Variants in NFIA observed in about 807,000 individuals in gnomAD.
NFIA encodes the protein nuclear factor I A, also known as nuclear factor 1 A-type.
In NFIA, 8 loss-of-function variants were observed where a neutral mutation model predicts 62.8. The observed-to-expected ratio is 0.13, with a 90% CI of 0.07 to 0.23. The LOEUF is 0.23. NFIA is among the 10% of genes least tolerant of loss of function. NFIA has a pLI of 1.00. For missense variants in NFIA, 410 were observed against 642.1 expected (o/e 0.64, Z 3.91); for synonymous variants, 235 against 238.1 (o/e 0.99, Z 0.12).
intron 2 of NFIA, among the ~76,000 whole-genome samples, chr1:61,164,912 A>G (rs183671747): frequency 1.3e-5 from 2 of 152,304 alleles, no homozygotes; most frequent in Non-Finnish European, 2.9e-5. Flanking sequence ...GGCCTGCAGT[A>G]TTTATCAAAA....
chr1:61,121,942 ACCTTC>A (rs1646893947), intron 2 of NFIA, among the ~76,000 whole-genome samples: 1 of 152,168 alleles, frequency 6.6e-6, no homozygotes, highest in Admixed American at 6.5e-5. Context: ...GGCTGGAGCT[ACCTTC>A]CCTGACAAGA....
intron 7 of NFIA, among the ~76,000 whole-genome samples, chr1:61,396,267 A>T (rs776058824): frequency 1.1e-4 from 17 of 152,138 alleles, no homozygotes; most frequent in Non-Finnish European, 2.4e-4. Context: ...TTTTTTAGAT[A>T]TAGGGTCTTG....
At chr1:61,242,631 A>T (rs548161195) in intron 2 of NFIA, among the ~76,000 whole-genome samples, 3 of 152,328 alleles carry the variant, frequency 2.0e-5, no homozygotes, top group African/African-American at 7.2e-5. Flanking sequence ...AGATAAATTA[A>T]CTTCTCCAGG....
intron 2 of NFIA, among the ~76,000 whole-genome samples, chr1:61,169,562 C>T (rs771446014): frequency 2.0e-5 from 3 of 152,216 alleles, no homozygotes; most frequent in Non-Finnish European, 4.4e-5. Flanking sequence ...TTTGGCTGGA[C>T]TCAGTACTCT....
chr1:61,344,583 G>A (rs1420738883), intron 4 of NFIA, among the ~76,000 whole-genome samples: 1 of 152,248 alleles, frequency 6.6e-6, no homozygotes, highest in Non-Finnish European at 1.5e-5. Context: ...TCTCTGAAAT[G>A]TAAGCCCCAC....
At chr1:61,202,211 T>A (rs1334383942) in intron 2 of NFIA, among the ~76,000 whole-genome samples, 1 of 152,200 alleles carries the variant, frequency 6.6e-6, no homozygotes, top group Non-Finnish European at 1.5e-5. Context: ...ATTATGGTCA[T>A]AAACTTGATT....
In NFIA at chr1:61,323,807, A is replaced by T. The variant is rs547789491; in HGVS notation, c.626-8705A>T. 1.2e-4 allele frequency among the ~76,000 whole-genome samples: 18 copies of T among 152,346 alleles called. No individual in the cohort carries two copies. In the East Asian group the frequency reaches 3.5e-3, roughly 29 times the overall value. On this transcript the variant is annotated intron_variant, in intron 3 of 10. Transcript: ENST00000403491. ...CAAATAACAGTATCATAAGTCACTC[A>T]TCTGAATCACTAAATAAATATTTAT...
chr1:61,318,616 T>G lies in NFIA; in HGVS notation c.626-13896T>G, dbSNP rs559912617. On this transcript the variant is annotated intron_variant, in intron 3 of 10. Transcript: ENST00000403491. ...ATAGTTGCTCTGGGAATTGAATTCC[T>G]TAATGCTTTGTTTATAGAATTTTGA... 4.6e-5 allele frequency among the ~76,000 whole-genome samples: 7 copies of G among 152,328 alleles called. No homozygotes were observed. The East Asian group carries it at 1.3e-3, about 29-fold the overall frequency.
intron 6 of NFIA, among the ~76,000 whole-genome samples, chr1:61,378,755 T>C (rs1664268846): frequency 2.0e-5 from 3 of 152,194 alleles, no homozygotes; most frequent in Non-Finnish European, 1.5e-5. Context: ...TTGCTGACTC[T>C]CGTGATTGTT....
intron 10 of NFIA, among the ~76,000 whole-genome samples, chr1:61,437,676 G>T (rs944114663): frequency 6.6e-6 from 1 of 152,174 alleles, no homozygotes; most frequent in African/African-American, 2.4e-5. Context: ...CCATACAGAA[G>T]AGTCAGTAAC....
Position 61,284,253 on chromosome 1 carries a change from TGAATTTTCAGCAATGCAATGGAGCTA to T in NFIA, c.625+6670_625+6695del, listed in dbSNP as rs1334383023. Among the ~76,000 whole-genome samples the T allele has an allele frequency of 6.6e-5, 10 of 152,356 alleles. No individual in the cohort carries two copies. The East Asian group carries it at 1.9e-3, about 29-fold the overall frequency. The stretch of plus-strand genomic sequence containing the variant: ...ATCTGTATAATTAAATTCTGACTGA[TGAATTTTCAGCAATGCAATGGAGCTA>T]GTCTCTCTTCTTTAAGAGATTAGGG... On this transcript the variant is annotated intron_variant, in intron 3 of 10. Transcript: ENST00000403491.
chr1:61,101,564 A>G (rs563331179), intron 2 of NFIA, among the ~76,000 whole-genome samples: 127 of 152,318 alleles, frequency 8.3e-4, no homozygotes, highest in Non-Finnish European at 1.1e-3. Context: ...ACGAGAGAGT[A>G]GAAAACAGAA....
At chr1:61,107,456 T>A (rs373006591) in intron 2 of NFIA, among the ~76,000 whole-genome samples, 116 of 47,050 alleles carry the variant, frequency 2.5e-3, no homozygotes, top group African/African-American at 6.9e-3. Flanking sequence ...TTTTTGTATA[T>A]GTATGAGCCA....
intron 4 of NFIA, among the ~76,000 whole-genome samples, chr1:61,343,302 G>A (rs142165748): frequency 7.2e-5 from 11 of 152,252 alleles, no homozygotes; most frequent in South Asian, 4.1e-4. Flanking sequence ...TTCCTGATTC[G>A]GAGTGGGGTG....
At chr1:61,212,773 G>A (rs1255634513) in intron 2 of NFIA, among the ~76,000 whole-genome samples, 1 of 152,196 alleles carries the variant, frequency 6.6e-6, no homozygotes, top group Non-Finnish European at 1.5e-5. Flanking sequence ...CAGTGTCTGG[G>A]TTGCAGCCCA....
intron 2 of NFIA, among the ~76,000 whole-genome samples, chr1:61,104,194 G>C (rs755394842): frequency 6.6e-6 from 1 of 152,222 alleles, no homozygotes; most frequent in Non-Finnish European, 1.5e-5. Flanking sequence ...ATTCTCTTCA[G>C]AGTGGACACT....
chr1:61,311,239 A>G (rs1334000213), intron 3 of NFIA, among the ~76,000 whole-genome samples: 2 of 152,046 alleles, frequency 1.3e-5, no homozygotes, highest in Admixed American at 6.6e-5. Context: ...TAAAAATACA[A>G]AATTATCCGG....
chr1:61,315,321 A>G (rs1660314880), intron 3 of NFIA, among the ~76,000 whole-genome samples: 1 of 152,204 alleles, frequency 6.6e-6, no homozygotes. Context: ...ATCTGACAAG[A>G]AAGTGCTTTT....
intron 2 of NFIA, among the ~76,000 whole-genome samples, chr1:61,179,986 A>C (rs1023137498): frequency 1.3e-5 from 2 of 152,276 alleles, no homozygotes; most frequent in Non-Finnish European, 2.9e-5. Flanking sequence ...TATCGAGTCA[A>C]TCAGGACTCT....
Sources: allele counts gnomAD v4.1 joint callset (sites outside exome capture counted in the v4.1 genomes callset), GRCh38; gene constraint gnomAD v4.1.1; transcripts MANE v1.5; gene names NCBI Gene and HGNC (gene_info 2026-07-23, HGNC 2026-07-21).